The following SATB2 variants were observed in gnomAD, a reference collection of about 807,000 sequenced individuals.
The protein encoded by SATB2 is DNA-binding protein SATB2.
Under a neutral mutation model 73.4 loss-of-function variants are expected in SATB2, and 1 was observed. The ratio of observed to expected loss-of-function variants is 0.01; its 90% CI spans 0.00 to 0.06. SATB2 has a LOEUF of 0.06. Among genes scored for constraint, SATB2 ranks in the 10% least tolerant of loss-of-function variants. The probability of loss-of-function intolerance (pLI) is 1.00; values close to 1 mark genes in which losing one functional copy is unlikely to be tolerated. For missense variants in SATB2, 459 were observed against 945.8 expected (o/e 0.49, Z 6.75); for synonymous variants, 397 against 367.0 (o/e 1.08, Z -0.93).
In SATB2 at chr2:199,271,800, A is replaced by G. The variant is rs1362505288; in HGVS notation, c.*411T>C. 4.0e-6 allele frequency: 1 copy of G among 250,534 alleles called. No individual in the cohort carries two copies. Among genetic ancestry groups the G allele is most frequent in the Non-Finnish European group, 7.9e-6 (1 of 127,150 alleles). The allele number at this position is 250,534 out of a possible 1,614,324, so 15.5% of individuals were successfully genotyped here. On this transcript the variant is annotated 3_prime_UTR_variant, in exon 11 of 11. Coordinates refer to ENST00000417098, the MANE Select transcript of SATB2 (RefSeq NM_001172509.2). ...TATGTAAATATAGAGATATATACAT[A>G]TACATATACACACACACTTGTAGCT...
chr2:199,366,676 C>T (rs1238562473), intron 6 of SATB2, among the ~76,000 whole-genome samples: 1 of 151,446 alleles, frequency 6.6e-6, no homozygotes, highest in African/African-American at 2.4e-5. Context: ...CAATGACTAG[C>T]TCCATCTCTT....
chr2:199,363,093 A>G (rs1353216238), intron 6 of SATB2, among the ~76,000 whole-genome samples: 1 of 152,246 alleles, frequency 6.6e-6, no homozygotes, highest in African/African-American at 2.4e-5. Flanking sequence ...GAGCTTCTTA[A>G]GATCCATGCA....
chr2:199,356,977 T>C (rs982156538), intron 6 of SATB2, among the ~76,000 whole-genome samples: 4 of 152,184 alleles, frequency 2.6e-5, no homozygotes, highest in African/African-American at 4.8e-5. Flanking sequence ...TGAAGCTCAG[T>C]TGGCTTCTTT....
upstream of SATB2, among the ~76,000 whole-genome samples, chr2:199,460,170 A>C (rs1028292774): frequency 6.6e-6 from 1 of 150,412 alleles, no homozygotes; most frequent in Non-Finnish European, 1.5e-5. The surrounding 1 kb of genome is among the most constrained non-coding windows in gnomAD (Gnocchi z 4.0). Flanking sequence ...TACCACCCCC[A>C]GTCAAAAGAG....
At chr2:199,309,029 C>T in intron 9 of SATB2, 72 bp from the exon 10 acceptor site, 1 of 1,169,160 alleles carries the variant, frequency 8.6e-7, no homozygotes, top group South Asian at 1.3e-5. Flanking sequence ...GACTGCGGTC[C>T]AGTGCCATCA....
intron 7 of SATB2, among the ~76,000 whole-genome samples, chr2:199,334,662 ATC>A (rs1688285065): frequency 6.6e-6 from 1 of 152,142 alleles, no homozygotes; most frequent in Admixed American, 6.6e-5. Context: ...ATTCTAAAAT[ATC>A]TGTGTCCAGC....
chr2:199,321,273 G>T (rs939266015), intron 9 of SATB2, among the ~76,000 whole-genome samples: 7 of 151,584 alleles, frequency 4.6e-5, no homozygotes, highest in African/African-American at 1.7e-4. Context: ...TCCATAAGGT[G>T]TATGTATGTG....
At chr2:199,450,132 G>C (rs760410194) in intron 2 of SATB2, among the ~76,000 whole-genome samples, 21 of 152,008 alleles carry the variant, frequency 1.4e-4, no homozygotes, top group Non-Finnish European at 2.2e-4. Context: ...AAGAGACTTT[G>C]GGCTGCTAAT....
chr2:199,386,705 C>CGT (rs1559021662), intron 3 of SATB2, among the ~76,000 whole-genome samples: 26 of 68,858 alleles, frequency 3.8e-4, no homozygotes, highest in African/African-American at 2.1e-3. Flanking sequence ...AGCGCGCGCG[C>CGT]GCGCGCGCGC....
In SATB2 at chr2:199,464,339, G is replaced by C. The variant is rs1163138064; in HGVS notation, c.-141+497C>G. Reference sequence around the variant, plus strand: ...CATCCGGACTTGGGAACCCCGTGTCGGGCTTAGAGGACTTCACTGGGCGGG... The same window carrying C: ...CATCCGGACTTGGGAACCCCGTGTCCGGCTTAGAGGACTTCACTGGGCGGG... On this transcript the variant is annotated intron_variant, in intron 1 of 11. Coordinates refer to the SATB2 transcript ENST00000260926. The surrounding 1 kb of genome is among the most constrained non-coding windows in gnomAD (Gnocchi z 6.6). Among the ~76,000 whole-genome samples, 1 of 152,138 alleles carries C rather than the reference G, an allele frequency of 6.6e-6. No individual in the cohort carries two copies. The highest frequency in any genetic ancestry group is 2.4e-5 in the African/African-American group (1 of 41,436).
At chr2:199,458,141 T>TG (rs1574648206), upstream of SATB2, 2 of 40,650 alleles carry the variant, frequency 4.9e-5, no homozygotes, top group Non-Finnish European at 8.8e-5. Context: ...GGGATGGGGG[T>TG]GGGGGGGATG....
chr2:199,446,218 T>C (rs1691958281), intron 2 of SATB2, among the ~76,000 whole-genome samples: 1 of 152,156 alleles, frequency 6.6e-6, no homozygotes, highest in Admixed American at 6.5e-5. Flanking sequence ...TCATGCAAAA[T>C]GGTTTTATTA....
chr2:199,442,006 G>A (rs574877829), intron 2 of SATB2, among the ~76,000 whole-genome samples: 1 of 152,244 alleles, frequency 6.6e-6, no homozygotes, highest in East Asian at 1.9e-4. Flanking sequence ...GAATGCCAAG[G>A]CTCTAGTGGG....
At chr2:199,400,631 A>G (rs968692673) in intron 3 of SATB2, among the ~76,000 whole-genome samples, 3 of 152,236 alleles carry the variant, frequency 2.0e-5, no homozygotes, top group African/African-American at 7.2e-5. Flanking sequence ...ATGAATGAAG[A>G]GTCTATTTGT....
upstream of SATB2, among the ~76,000 whole-genome samples, chr2:199,466,072 G>T (rs1692586951): frequency 6.6e-6 from 1 of 152,126 alleles, no homozygotes. Context: ...CTCGTTTTAT[G>T]CTGTAAGACC....
chr2:199,286,126 T>C (rs1692680571), intron 10 of SATB2, among the ~76,000 whole-genome samples: 1 of 74,100 alleles, frequency 1.3e-5, no homozygotes, highest in African/African-American at 3.1e-5. Flanking sequence ...AGCTTTGGTA[T>C]AGTTTGGGGA....
rs530297472 is a variant in SATB2 at position 199,440,647 on chromosome 2, C to T, written c.170-7133G>A. Reference sequence around the variant, plus strand: ...CTCCCCCAGCTGCTCCAGTTTTCAACGCTCCTCCCTGTCCTTTGCTTGTAA... The same window carrying T: ...CTCCCCCAGCTGCTCCAGTTTTCAATGCTCCTCCCTGTCCTTTGCTTGTAA... On this transcript the variant is annotated intron_variant, in intron 2 of 10. Coordinates refer to ENST00000417098, the MANE Select transcript of SATB2 (RefSeq NM_001172509.2). Among the ~76,000 whole-genome samples the T allele has an allele frequency of 6.6e-5, 10 of 152,238 alleles. No individual in the cohort carries two copies. The East Asian group carries it at 1.4e-3, about 21-fold the overall frequency.
intron 3 of SATB2, among the ~76,000 whole-genome samples, chr2:199,425,894 T>C (rs1056411237): frequency 3.9e-5 from 6 of 152,144 alleles, no homozygotes; most frequent in African/African-American, 7.2e-5. Flanking sequence ...CACACACATA[T>C]GTATGAATAT....
chr2:199,384,716 C>T (rs763215696), intron 3 of SATB2, among the ~76,000 whole-genome samples: 25 of 152,110 alleles, frequency 1.6e-4, no homozygotes, highest in Non-Finnish European at 2.8e-4. Flanking sequence ...TTATGTAACC[C>T]TACCAAGTTA....
Sources: allele counts gnomAD v4.1 joint callset (sites outside exome capture counted in the v4.1 genomes callset), GRCh38; gene constraint gnomAD v4.1.1; non-coding constraint Gnocchi (gnomAD v3.1); transcripts MANE v1.5; gene names NCBI Gene and HGNC (gene_info 2026-07-23, HGNC 2026-07-21).